The following PLGRKT variants were observed in gnomAD, a reference collection of about 807,000 sequenced individuals.
PLGRKT encodes plasminogen receptor with a C-terminal lysine, also known as plasminogen receptor (KT).
PLGRKT carries 22 observed loss-of-function variants against 18.5 expected under a neutral mutation model. That is an observed-to-expected ratio of 1.19 (90% CI 0.85 to 1.70). PLGRKT has a LOEUF of 1.70. PLGRKT is among the 40% of genes most tolerant of loss of function. The pLI is 0.00. For synonymous variants in PLGRKT, 72 were observed against 52.8 expected, an observed-to-expected ratio of 1.36 and a Z score of -1.58; for missense variants, 235 against 174.4, an observed-to-expected ratio of 1.35 and a Z score of -1.96.
intron 3 of PLGRKT, among the ~76,000 whole-genome samples, chr9:5,375,721 A>G (rs1408264905): frequency 2.0e-5 from 3 of 152,256 alleles, no homozygotes; most frequent in African/African-American, 4.8e-5. Context: ...GAGGATGTGA[A>G]GAAACCAGAA....
chr9:5,385,470 C>T (rs12344427), intron 3 of PLGRKT, among the ~76,000 whole-genome samples: 34,052 of 151,284 alleles, frequency 0.23, 4,596 homozygotes, highest in African/African-American at 0.34. Context: ...CCTCAGCTAC[C>T]GCGCCTGGCC....
chr9:5,382,886 T>G (rs1817773298), intron 3 of PLGRKT, among the ~76,000 whole-genome samples: 1 of 151,778 alleles, frequency 6.6e-6, no homozygotes, highest in Non-Finnish European at 1.5e-5. Context: ...TGAATGTGGG[T>G]GGAGAAGGAA....
intron 3 of PLGRKT, among the ~76,000 whole-genome samples, chr9:5,414,998 A>G (rs1318507708): frequency 6.6e-6 from 1 of 152,224 alleles, no homozygotes. Context: ...CTTTGCTAAG[A>G]GGACAATCAT....
chr9:5,424,799 T>C (rs1818665023), intron 3 of PLGRKT, among the ~76,000 whole-genome samples: 1 of 149,614 alleles, frequency 6.7e-6, no homozygotes, highest in African/African-American at 2.5e-5. Flanking sequence ...TAAGTGATCC[T>C]CCTCCCAAGT....
intron 3 of PLGRKT, among the ~76,000 whole-genome samples, chr9:5,391,004 C>T (rs1311415033): frequency 6.6e-6 from 1 of 151,826 alleles, no homozygotes; most frequent in African/African-American, 2.4e-5. Flanking sequence ...TTCGGTCTCT[C>T]CACCCTAAAT....
chr9:5,367,173 G>A (rs1817412067), intron 3 of PLGRKT, among the ~76,000 whole-genome samples: 1 of 151,866 alleles, frequency 6.6e-6, no homozygotes, highest in African/African-American at 2.4e-5. Flanking sequence ...ACTGCCCAAA[G>A]TAAAATACAG....
chr9:5,399,878 C>A (rs569394536), intron 3 of PLGRKT, among the ~76,000 whole-genome samples: 59 of 151,718 alleles, frequency 3.9e-4, no homozygotes, highest in Non-Finnish European at 7.6e-4. Flanking sequence ...GTCATCCCAG[C>A]TACTCAGGAA....
At chr9:5,410,136 T>C (rs897498501) in intron 3 of PLGRKT, among the ~76,000 whole-genome samples, 1 of 152,240 alleles carries the variant, frequency 6.6e-6, no homozygotes, top group African/African-American at 2.4e-5. Context: ...CATTTTTCTA[T>C]TTGTGACTGA....
rs139933393 is a variant in PLGRKT, at chr9:5,369,187, A to G, written c.82-7299T>C. On this transcript the variant is annotated intron_variant, in intron 3 of 5. Coordinates refer to ENST00000223864, the MANE Select transcript of PLGRKT (RefSeq NM_018465.4). ...GAACAGACCAACTACAGAATGGGAGAAAATTTTTGCAATCTACTCCTCTCA... is the reference window on the plus strand; with the variant it reads ...GAACAGACCAACTACAGAATGGGAGGAAATTTTTGCAATCTACTCCTCTCA... Among the ~76,000 whole-genome samples the G allele has an allele frequency of 5.1e-3, 782 of 152,348 alleles. 5 individuals carry two copies. Among genetic ancestry groups the G allele is most frequent in the African/African-American group, 0.018 (750 of 41,580 alleles).
rs779880262 is a variant in PLGRKT at position 5,418,430 on chromosome 9, T to C, written c.81+13467A>G. The C allele has an allele frequency of 7.7e-6, 7 of 908,528 alleles. No homozygotes were observed. Among genetic ancestry groups the C allele is most frequent in the Admixed American group, 5.2e-5 (3 of 57,562 alleles). The allele number at this position is 908,528 out of a possible 1,614,324, so 56.3% of individuals were successfully genotyped here. A position where few individuals can be genotyped will look rare whatever the true frequency, so the allele number is the denominator to read the frequency against. Reference sequence around the variant, plus strand: ...CAGGACATGTTATGGAGCACGATGCTGAGGAGGAAGACCAAGACGCAAGCC... The same window carrying C: ...CAGGACATGTTATGGAGCACGATGCCGAGGAGGAAGACCAAGACGCAAGCC... On this transcript the variant is annotated intron_variant, in intron 3 of 5. Transcript: ENST00000223864. The surrounding 1 kb of genome is among the most constrained non-coding windows in gnomAD (Gnocchi z 4.2).
intron 3 of PLGRKT, among the ~76,000 whole-genome samples, chr9:5,372,942 T>A (rs1291858638): frequency 1.3e-5 from 2 of 152,168 alleles, no homozygotes; most frequent in Non-Finnish European, 2.9e-5. Context: ...GTGGTCACAG[T>A]TATTAAGTGA....
chr9:5,378,006 C>G (rs550152885), intron 3 of PLGRKT, among the ~76,000 whole-genome samples: 3 of 152,154 alleles, frequency 2.0e-5, no homozygotes, highest in African/African-American at 7.2e-5. Flanking sequence ...GGTTCTTCAG[C>G]CTGCTTCTTG....
chr9:5,368,782 G>C (rs973194777), intron 3 of PLGRKT, among the ~76,000 whole-genome samples: 8 of 152,264 alleles, frequency 5.3e-5, no homozygotes, highest in Admixed American at 3.3e-4. Context: ...GAACAGAGCA[G>C]AGCCCTCAGA....
chr9:5,365,351 G>T (rs933325019), intron 3 of PLGRKT, among the ~76,000 whole-genome samples: 10 of 152,144 alleles, frequency 6.6e-5, no homozygotes, highest in African/African-American at 2.4e-4. Flanking sequence ...CATAGTGTTG[G>T]ATTATAACCT....
At chr9:5,422,939 G>A (rs944329835) in intron 3 of PLGRKT, among the ~76,000 whole-genome samples, 3 of 152,082 alleles carry the variant, frequency 2.0e-5, no homozygotes, top group Non-Finnish European at 4.4e-5. Flanking sequence ...TATATCTTCA[G>A]TTAATTGCTT....
At chr9:5,411,401 A>G (rs867252662) in intron 3 of PLGRKT, among the ~76,000 whole-genome samples, 56 of 146,298 alleles carry the variant, frequency 3.8e-4, no homozygotes, top group Admixed American at 6.1e-4. Flanking sequence ...AAAAAAAAAG[A>G]AAAGAAAAGA....
At chr9:5,421,546 G>A (rs143122523) in intron 3 of PLGRKT, among the ~76,000 whole-genome samples, 354 of 152,316 alleles carry the variant, frequency 2.3e-3, no homozygotes, top group African/African-American at 8.2e-3. Flanking sequence ...ATATTACCCA[G>A]TATAGAGCAG....
intron 3 of PLGRKT, among the ~76,000 whole-genome samples, chr9:5,407,642 A>T (rs1178397472): frequency 6.6e-6 from 1 of 151,622 alleles, no homozygotes; most frequent in Non-Finnish European, 1.5e-5. Context: ...TGTTGTTCTT[A>T]CAAATTTTTC....
chr9:5,392,310 T>C lies in PLGRKT; in HGVS notation c.82-30422A>G, dbSNP rs1817965366. 4 of 152,094 alleles carry C rather than the reference T, an allele frequency of 2.6e-5. 1 individual carries two copies. In the South Asian group the frequency reaches 8.3e-4, roughly 32 times the overall value. 9.4% of individuals were successfully genotyped at this position (152,094 alleles called of 1,614,324 possible). A position where few individuals can be genotyped will look rare whatever the true frequency, so the allele number is the denominator to read the frequency against. On this transcript the variant is annotated intron_variant, in intron 3 of 5. Coordinates refer to ENST00000223864, the MANE Select transcript of PLGRKT (RefSeq NM_018465.4). ...CTTAGGGTTAATATATTGATATAAA[T>C]GAACTGCCATTGACAATCAGTCCCA...
Sources: gnomAD v4.1 joint callset for allele counts (sites outside exome capture counted in the v4.1 genomes callset) on GRCh38, gnomAD v4.1.1 for gene constraint, Gnocchi (gnomAD v3.1) non-coding constraint, MANE v1.5 for transcripts, NCBI Gene and HGNC (gene_info 2026-07-23, HGNC 2026-07-21) for gene names.